The following PDCD6 variants were observed in gnomAD, a reference collection of about 807,000 sequenced individuals.
PDCD6 encodes programmed cell death 6.
A neutral mutation model predicts 28.3 loss-of-function variants in PDCD6; 12 were observed. The ratio of observed to expected loss-of-function variants is 0.42; its 90% CI spans 0.27 to 0.69. The LOEUF (loss-of-function observed/expected upper bound fraction) is 0.69. Among genes scored for constraint, PDCD6 ranks in the 30% least tolerant of loss-of-function variants. PDCD6 has a pLI of 0.22. For synonymous variants in PDCD6, 92 were observed against 108.0 expected (o/e 0.85, Z 0.92); for missense variants, 226 against 269.9 (o/e 0.84, Z 1.14).
At chr5:287,919 C>T (rs1303708924) in intron 2 of PDCD6, among the ~76,000 whole-genome samples, 1 of 152,212 alleles carries the variant, frequency 6.6e-6, no homozygotes, top group Non-Finnish European at 1.5e-5. Context: ...CTGCTTGGTT[C>T]TGAGATGGCC....
intron 2 of PDCD6, among the ~76,000 whole-genome samples, chr5:277,683 C>G (rs1343441613): frequency 6.6e-6 from 1 of 152,150 alleles, no homozygotes; most frequent in Non-Finnish European, 1.5e-5. Context: ...ATCTGCCCAC[C>G]TCAGCCTCCC....
intron 4 of PDCD6, among the ~76,000 whole-genome samples, 168 bp downstream of exon 4, chr5:306,928 C>A (rs970850132): frequency 3.3e-5 from 5 of 152,202 alleles, no homozygotes; most frequent in African/African-American, 9.6e-5. Flanking sequence ...GGAAGGCGAT[C>A]CTCGACATGG....
intron 2 of PDCD6, chr5:289,291 A>T (rs13361192): frequency 0.17 from 88,886 of 534,412 alleles, 11,783 homozygotes; most frequent in African/African-American, 0.53. Flanking sequence ...CAGGTGGGAG[A>T]AAAGCCCAAT....
rs1275706779 is a variant in PDCD6, at chr5:271,713, C to T, written c.-8C>T. The stretch of plus-strand genomic sequence containing the variant: ...CAGGCGCCTCAGCCCAGCCGCGTGC[C>T]TTGGCCCATGGCCGCCTACTCTTAC... On this transcript the variant is annotated 5_prime_UTR_variant, in exon 1 of 6. Coordinates refer to ENST00000264933, the MANE Select transcript of PDCD6 (RefSeq NM_013232.4). The T allele has an allele frequency of 2.0e-6, 3 of 1,525,976 alleles. No homozygotes were observed. The highest frequency in any genetic ancestry group is 1.9e-5 in the Admixed American group (1 of 52,740). 94.5% of individuals were successfully genotyped at this position (1,525,976 alleles called of 1,614,324 possible). A position where few individuals can be genotyped will look rare whatever the true frequency, so the allele number is the denominator to read the frequency against.
chr5:306,932 G>C (rs1330025713), intron 4 of PDCD6, among the ~76,000 whole-genome samples, 172 bp downstream of exon 4: 1 of 152,168 alleles, frequency 6.6e-6, no homozygotes, highest in African/African-American at 2.4e-5. Context: ...GGCGATCCTC[G>C]ACATGGATAC....
At chr5:286,141 G>C (rs1013491816) in intron 2 of PDCD6, among the ~76,000 whole-genome samples, 3 of 149,822 alleles carry the variant, frequency 2.0e-5, no homozygotes, top group Non-Finnish European at 4.5e-5. Flanking sequence ...CTGGAGACCC[G>C]GGGGGAGTTG....
chr5:274,521 G>C (rs1738058450), intron 2 of PDCD6, among the ~76,000 whole-genome samples: 1 of 152,218 alleles, frequency 6.6e-6, no homozygotes, highest in South Asian at 2.1e-4. Flanking sequence ...CGTGATTCCT[G>C]GCACGGAGCA....
At chr5:272,310 G>A (rs1737875971) in intron 1 of PDCD6, among the ~76,000 whole-genome samples, 1 of 145,810 alleles carries the variant, frequency 6.9e-6, no homozygotes, top group Non-Finnish European at 1.5e-5. Flanking sequence ...GCGTCTGCTC[G>A]GGCCAGGTGA....
At chr5:299,563 TC>T (rs933374498) in intron 2 of PDCD6, among the ~76,000 whole-genome samples, 1 of 151,956 alleles carries the variant, frequency 6.6e-6, no homozygotes, top group Non-Finnish European at 1.5e-5. Context: ...TTTTTTTTTT[TC>T]TTTAAGACAG....
At chr5:277,048 A>G in intron 2 of PDCD6, 1 of 503,234 alleles carries the variant, frequency 2.0e-6, no homozygotes, top group South Asian at 8.5e-5. Flanking sequence ...TTGCCTTAAT[A>G]TAACACTGAT....
chr5:275,667 T>G (rs930254329), intron 2 of PDCD6, among the ~76,000 whole-genome samples: 1 of 152,230 alleles, frequency 6.6e-6, no homozygotes, highest in African/African-American at 2.4e-5. Context: ...CTGAATTCCT[T>G]CTGGAATAAG....
chr5:276,459 ATTTC>A (rs1738208207), intron 2 of PDCD6: 5 of 985,896 alleles, frequency 5.1e-6, no homozygotes, highest in African/African-American at 3.5e-5. Flanking sequence ...TTCTCTCTGA[ATTTC>A]TTTATTTTAA....
At chr5:306,987 C>A (rs1740540345) in intron 4 of PDCD6, among the ~76,000 whole-genome samples, 1 of 152,148 alleles carries the variant, frequency 6.6e-6, no homozygotes, top group South Asian at 2.1e-4. Flanking sequence ...GCTATGCAAG[C>A]CGTTCATCTT....
chr5:286,569 C>T (rs1225936257), intron 2 of PDCD6, among the ~76,000 whole-genome samples: 1 of 151,594 alleles, frequency 6.6e-6, no homozygotes, highest in Non-Finnish European at 1.5e-5. Flanking sequence ...CGTGGGGGAG[C>T]TGATGTTCCC....
chr5:276,856 T>C, intron 2 of PDCD6: 1 of 985,290 alleles, frequency 1.0e-6, no homozygotes, highest in Non-Finnish European at 1.2e-6. Context: ...TAAAAATTAC[T>C]GCTCTCAGGG....
At chr5:290,318 C>T in intron 2 of PDCD6, 1 of 1,290,880 alleles carries the variant, frequency 7.7e-7, no homozygotes, top group South Asian at 1.2e-5. Flanking sequence ...CTCTCAACGT[C>T]CATGGCTTCC....
intron 2 of PDCD6, among the ~76,000 whole-genome samples, chr5:293,122 G>A (rs182068426): frequency 1.2e-4 from 18 of 152,260 alleles, no homozygotes; most frequent in Non-Finnish European, 2.1e-4. Flanking sequence ...AGGGCATCCC[G>A]TCAACATCAC....
chr5:272,018 C>A (rs532553652), intron 1 of PDCD6, among the ~76,000 whole-genome samples, 197 bp downstream of exon 1: 210 of 151,914 alleles, frequency 1.4e-3, no homozygotes, highest in Admixed American at 3.5e-3. Context: ...CCGCCCCCGT[C>A]CCCTGGCGGG....
At chr5:277,301 AT>A (rs74799424) in intron 2 of PDCD6, among the ~76,000 whole-genome samples, 15,263 of 86,116 alleles carry the variant, frequency 0.18, 1,241 homozygotes, top group African/African-American at 0.34. Context: ...AATTTTTTGT[AT>A]TTTTTTTTTT....
Sources: gnomAD v4.1 joint callset for allele counts (sites outside exome capture counted in the v4.1 genomes callset) on GRCh38, gnomAD v4.1.1 for gene constraint, MANE v1.5 for transcripts, NCBI Gene and HGNC (gene_info 2026-07-23, HGNC 2026-07-21) for gene names.